Variants in BRAF observed in about 807,000 individuals in gnomAD.
BRAF encodes the protein B-Raf proto-oncogene, serine/threonine kinase, also known as serine/threonine-protein kinase B-raf.
A neutral mutation model predicts 104.6 loss-of-function variants in BRAF; 16 were observed. The ratio of observed to expected loss-of-function variants is 0.15; its 90% confidence interval spans 0.10 to 0.23. The LOEUF is 0.23. Among genes scored for constraint, BRAF ranks in the 10% least tolerant of loss-of-function variants. The probability of loss-of-function intolerance (pLI) is 1.00; values close to 1 mark genes in which losing one functional copy is unlikely to be tolerated. For synonymous variants in BRAF, 310 were observed against 341.6 expected, an observed-to-expected ratio of 0.91 and a Z score of 1.02; for missense variants, 541 against 937.3, an observed-to-expected ratio of 0.58 and a Z score of 5.52.
chr7:140,807,239 T>C (rs1803750947), intron 5 of BRAF, among the ~76,000 whole-genome samples: 1 of 152,162 alleles, frequency 6.6e-6, no homozygotes, highest in Non-Finnish European at 1.5e-5. Flanking sequence ...CTATTTCCAT[T>C]AACCTATCCT....
intron 6 of BRAF, chr7:140,800,881 G>A: frequency 3.3e-6 from 1 of 301,934 alleles, no homozygotes; most frequent in Non-Finnish European, 6.3e-6. Context: ...CACAAAAAGA[G>A]ATAATAGACT....
At chr7:140,869,289 T>C (rs1386745860) in intron 1 of BRAF, among the ~76,000 whole-genome samples, 1 of 152,142 alleles carries the variant, frequency 6.6e-6, no homozygotes, top group Non-Finnish European at 1.5e-5. Flanking sequence ...ATCCCCTTCT[T>C]AACATCTTTG....
In BRAF at chr7:140,725,605, C is replaced by G. The variant is rs940011826; in HGVS notation, c.*889G>C. ...TAGATACTGCCACGGCATTTTGTGC[C>G]CTGGACAAAGTAGCCGCATAAGTAG... is the stretch of plus-strand genomic sequence containing the variant. On this transcript the variant is annotated 3_prime_UTR_variant, in exon 20 of 20. Transcript: ENST00000644969. The G allele has an allele frequency of 4.7e-6, 5 of 1,058,192 alleles. No individual in the cohort carries two copies. The African/African-American group carries it at 8.3e-5, about 17-fold the overall frequency. The allele number at this position is 1,058,192 out of a possible 1,614,324, so 65.6% of individuals were successfully genotyped here.
chr7:140,846,214 A>G (rs1808527769), intron 2 of BRAF, among the ~76,000 whole-genome samples: 1 of 152,214 alleles, frequency 6.6e-6, no homozygotes, highest in Admixed American at 6.5e-5. Flanking sequence ...TGTTCACAGC[A>G]TTATTGATAA....
intron 17 of BRAF, among the ~76,000 whole-genome samples, chr7:140,744,742 G>A (rs1211034948): frequency 6.6e-6 from 1 of 151,610 alleles, no homozygotes; most frequent in African/African-American, 2.4e-5. Context: ...TTAATTGAAG[G>A]GAAAAGAAAA....
At chr7:140,821,741 C>T (rs2109743) in intron 3 of BRAF, among the ~76,000 whole-genome samples, 43,979 of 151,918 alleles carry the variant, frequency 0.29, 9,960 homozygotes, top group African/African-American at 0.63. Flanking sequence ...GGTATATATA[C>T]ATCCAAAAGA....
At chr7:140,825,439 T>C (rs1164239014) in intron 3 of BRAF, among the ~76,000 whole-genome samples, 1 of 152,176 alleles carries the variant, frequency 6.6e-6, no homozygotes, top group East Asian at 1.9e-4. Context: ...AACTAATACG[T>C]TCATTATAGA....
Position 140,726,424 on chromosome 7 carries a change from T to G in BRAF, c.*70A>C. ...AAAAAAGATTTGAGGAACAGAACTG[T>G]GTTTTGATGTTAACAAATTGTACGA... On this transcript the variant is annotated 3_prime_UTR_variant, in exon 20 of 20. Transcript: ENST00000644969. The G allele has an allele frequency of 6.5e-7, 1 of 1,529,914 alleles. No individual in the cohort carries two copies. The highest frequency in any genetic ancestry group is 8.7e-7 in the Non-Finnish European group (1 of 1,145,372). The allele number at this position is 1,529,914 out of a possible 1,614,324, so 94.8% of individuals were successfully genotyped here. A position where few individuals can be genotyped will look rare whatever the true frequency, so the allele number is the denominator to read the frequency against.
chr7:140,883,408 CT>C (rs1490870264), intron 1 of BRAF, among the ~76,000 whole-genome samples: 23 of 152,170 alleles, frequency 1.5e-4, no homozygotes, highest in Admixed American at 1.5e-3. Context: ...TCGTATATAA[CT>C]TTTTCAAGGC....
intron 9 of BRAF, 54 bp downstream of exon 9, chr7:140,787,494 C>A: frequency 6.6e-7 from 1 of 1,522,228 alleles, no homozygotes; most frequent in Non-Finnish European, 9.1e-7. Flanking sequence ...AAATAAGCAG[C>A]AAAGCAATTG....
chr7:140,798,603 G>C (rs1390655337), intron 7 of BRAF, among the ~76,000 whole-genome samples: 4 of 139,776 alleles, frequency 2.9e-5, no homozygotes, highest in African/African-American at 1.1e-4. Context: ...TCCAGACGCA[G>C]CCTAAATAAC....
At chr7:140,787,666 G>T in intron 8 of BRAF, 82 bp from the exon 9 acceptor site, 1 of 1,149,628 alleles carries the variant, frequency 8.7e-7, no homozygotes, top group Non-Finnish European at 1.3e-6. Context: ...TTCCACTAAC[G>T]TTAAAAGAAT....
chr7:140,877,919 T>C (rs191437664), intron 1 of BRAF, among the ~76,000 whole-genome samples: 2 of 152,266 alleles, frequency 1.3e-5, no homozygotes, highest in African/African-American at 4.8e-5. Context: ...AATAAATCTC[T>C]AGTAGCAAAT....
At chr7:140,851,916 C>A (rs1344526738) in intron 1 of BRAF, among the ~76,000 whole-genome samples, 1 of 152,194 alleles carries the variant, frequency 6.6e-6, no homozygotes, top group East Asian at 1.9e-4. Context: ...TTTCCATATT[C>A]ATTTATAGAT....
intron 18 of BRAF, among the ~76,000 whole-genome samples, chr7:140,735,796 G>C (rs1796364171): frequency 6.6e-6 from 1 of 152,066 alleles, no homozygotes; most frequent in South Asian, 2.1e-4. Flanking sequence ...GACCTCAGGT[G>C]ATCTGCCTGC....
chr7:140,792,781 T>C (rs1802114691), intron 8 of BRAF, among the ~76,000 whole-genome samples: 1 of 152,254 alleles, frequency 6.6e-6, no homozygotes, highest in Non-Finnish European at 1.5e-5. Context: ...ACACAATGCA[T>C]AGCCCACAGT....
chr7:140,726,274 AT>A lies in BRAF; in HGVS notation c.*219del. The A allele has an allele frequency of 7.1e-7, 1 of 1,408,610 alleles. No homozygotes were observed. The highest frequency in any genetic ancestry group is 2.6e-5 in the East Asian group (1 of 38,414). 87.3% of individuals were successfully genotyped at this position (1,408,610 alleles called of 1,614,324 possible). On this transcript the variant is annotated 3_prime_UTR_variant, in exon 20 of 20. Transcript: ENST00000644969. ...CTGGGCAGACTTGTATGCTCGTGGT[AT>A]TTTTGTTGAAGAAACACTGGCAGCA... is the stretch of plus-strand genomic sequence containing the variant.
Position 140,721,477 on chromosome 7 carries a change from A to G in BRAF, c.*5017T>C. 1 of 1,267,888 alleles carries G rather than the reference A, an allele frequency of 7.9e-7. No individual in the cohort carries two copies. The allele number at this position is 1,267,888 out of a possible 1,614,324, so 78.5% of individuals were successfully genotyped here. A position where few individuals can be genotyped will look rare whatever the true frequency, so the allele number is the denominator to read the frequency against. On this transcript the variant is annotated 3_prime_UTR_variant, in exon 20 of 20. Coordinates refer to ENST00000644969, the MANE Select transcript of BRAF (RefSeq NM_001374258.1). Reference sequence around the variant, plus strand: ...AACAAAAGTGAAAATAGGTTATTTGAAAACAACAAAACAGAGCTTACTGTC... The same window carrying G: ...AACAAAAGTGAAAATAGGTTATTTGGAAACAACAAAACAGAGCTTACTGTC...
At chr7:140,856,019 A>T (rs1437486009) in intron 1 of BRAF, among the ~76,000 whole-genome samples, 1 of 151,710 alleles carries the variant, frequency 6.6e-6, no homozygotes, top group Non-Finnish European at 1.5e-5. Flanking sequence ...CTATCTCTAA[A>T]CAAACAAACA....
Sources: gnomAD v4.1 joint callset for allele counts (sites outside exome capture counted in the v4.1 genomes callset) on GRCh38, gnomAD v4.1.1 for gene constraint, MANE v1.5 for transcripts, NCBI Gene and HGNC (gene_info 2026-07-23, HGNC 2026-07-21) for gene names.